Variants in CUX2 observed in about 807,000 individuals in gnomAD.
CUX2 encodes the protein cut like homeobox 2.
A neutral mutation model predicts 144.8 loss-of-function variants in CUX2; 40 were observed. The ratio of observed to expected loss-of-function variants is 0.28; its 90% CI spans 0.21 to 0.36. CUX2 has a LOEUF of 0.36. Among genes scored for constraint, CUX2 ranks in the 10% least tolerant of loss-of-function variants. The pLI is 1.00. For synonymous variants in CUX2, 827 were observed against 875.6 expected (o/e 0.94, Z 0.98); for missense variants, 1,615 against 1,994.0 (o/e 0.81, Z 3.62).
intron 1 of CUX2, among the ~76,000 whole-genome samples, chr12:111,038,070 C>T (rs1038586957): frequency 2.2e-4 from 34 of 152,180 alleles, no homozygotes; most frequent in Admixed American, 2.2e-3. Context: ...GGAGAAACTT[C>T]CGGGAACACT....
chr12:111,206,230 G>A (rs1257812444), intron 1 of CUX2, among the ~76,000 whole-genome samples: 2 of 152,202 alleles, frequency 1.3e-5, no homozygotes, highest in African/African-American at 4.8e-5. Context: ...TACTTGGGAG[G>A]CTGAGAAGGG....
In CUX2 at chr12:111,263,916, G is replaced by A; in HGVS notation, c.301+77G>A. The A allele has an allele frequency of 1.4e-6, 2 of 1,385,142 alleles. No individual in the cohort carries two copies. Among genetic ancestry groups the A allele is most frequent in the South Asian group, 2.3e-5 (2 of 86,074 alleles). 85.8% of individuals were successfully genotyped at this position (1,385,142 alleles called of 1,614,324 possible). A position where few individuals can be genotyped will look rare whatever the true frequency, so the allele number is the denominator to read the frequency against. ...ATTAGGACTGTGACACAGGGACTTTGAGGTGGGATGTGGGGACATGCCTGG... is the reference window on the plus strand; with the variant it reads ...ATTAGGACTGTGACACAGGGACTTTAAGGTGGGATGTGGGGACATGCCTGG... On this transcript the variant is annotated intron_variant, in intron 4 of 21. Coordinates refer to ENST00000261726, the MANE Select transcript of CUX2 (RefSeq NM_015267.4). This position sits in a 1 kb window ranked among gnomAD's most constrained non-coding sequence, Gnocchi z 4.0.
intron 18 of CUX2, among the ~76,000 whole-genome samples, chr12:111,330,726 T>TACATATACATATATAC: frequency 1.8e-5 from 1 of 55,848 alleles, no homozygotes; most frequent in East Asian, 3.5e-4. Flanking sequence ...TATATATATA[T>TACATATACATATATAC]ATATATATAT....
rs556240331 is a variant in CUX2, at chr12:111,307,225, G to C, written c.1077G>C (p.Gln359His). 6.2e-7 allele frequency: 1 copy of C among 1,614,206 alleles called. No individual in the cohort carries two copies. Among genetic ancestry groups the C allele is most frequent in the South Asian group, 1.1e-5 (1 of 91,082 alleles). ...IEKLEEKLQA[Q>H]SDYEEIKTEL... ...AGCTGGAAGAGAAGCTCCAGGCCCA[G>C]TCTGACTATGAGGAAATTAAAACGG... Residue 359 changes from glutamine (Q) to histidine (H), a missense_variant, in exon 12 of 22, where the codon CAG becomes CAC. Gln to His is a conservative substitution (Grantham distance 24). This residue lies in a region of CUX2 where 295 missense variants were observed against 400.2 expected (regional missense o/e 0.74). Coordinates refer to ENST00000261726, the MANE Select transcript of CUX2 (RefSeq NM_015267.4). This position sits in a 1 kb window ranked among gnomAD's most constrained non-coding sequence, Gnocchi z 4.1.
chr12:111,225,974 C>T (rs1882116533), intron 3 of CUX2, among the ~76,000 whole-genome samples: 1 of 152,166 alleles, frequency 6.6e-6, no homozygotes, highest in African/African-American at 2.4e-5. Flanking sequence ...ACACATGACC[C>T]ACCCTTTTTC....
At chr12:111,240,803 G>C (rs1316059743) in intron 3 of CUX2, among the ~76,000 whole-genome samples, 2 of 152,092 alleles carry the variant, frequency 1.3e-5, no homozygotes, top group East Asian at 3.9e-4. Flanking sequence ...AAGACATTTG[G>C]GTTTTTGCTC....
At chr12:111,298,508 G>T in intron 8 of CUX2, 33 bp from the exon 9 acceptor site, 2 of 1,556,550 alleles carry the variant, frequency 1.3e-6, no homozygotes, top group Admixed American at 1.9e-5. Flanking sequence ...CCCGCCGGAA[G>T]CCCTTCCTCA....
At position 111,209,062 on chromosome 12, in the gene CUX2, G is replaced by A. The variant is rs187023697; in HGVS notation, c.64-5138G>A. Among the ~76,000 whole-genome samples the A allele has an allele frequency of 5.3e-5, 8 of 152,258 alleles. No individual in the cohort carries two copies. The East Asian group carries it at 1.5e-3, about 29-fold the overall frequency. On this transcript the variant is annotated intron_variant, in intron 1 of 21. Coordinates refer to ENST00000261726, the MANE Select transcript of CUX2 (RefSeq NM_015267.4). Reference sequence around the variant, plus strand: ...GGTCCAAATCATCGTTACTTTTAGGGGGTACTGACAAGGAGAGAGTACTCT... The same window carrying A: ...GGTCCAAATCATCGTTACTTTTAGGAGGTACTGACAAGGAGAGAGTACTCT...
intron 7 of CUX2, 103 bp from the exon 8 acceptor site, chr12:111,296,370 C>A: frequency 1.0e-6 from 1 of 984,600 alleles, no homozygotes; most frequent in Non-Finnish European, 1.5e-6. Context: ...AGCTCTCATT[C>A]TGCCTGCTGG....
At chr12:111,208,056 G>T (rs557588367) in intron 1 of CUX2, among the ~76,000 whole-genome samples, 1 of 152,202 alleles carries the variant, frequency 6.6e-6, no homozygotes, top group Non-Finnish European at 1.5e-5. Context: ...AAGTGGGAGG[G>T]ACCCAGGGAC....
chr12:111,310,685 G>A lies in CUX2; in HGVS notation c.1900+3G>A, dbSNP rs1299944746. 6.3e-7 allele frequency: 1 copy of A among 1,577,410 alleles called. No individual in the cohort carries two copies. Among genetic ancestry groups the A allele is most frequent in the South Asian group, 1.1e-5 (1 of 87,396 alleles). ...GACCATCCAAGTGCGGCAGCGAGGT[G>A]AGTGCCCAAGAGGGCCCGTCCCCGC... On this transcript the variant is annotated splice_donor_region_variant and intron_variant, in intron 15 of 21. Coordinates refer to ENST00000261726, the MANE Select transcript of CUX2 (RefSeq NM_015267.4). This position sits in a 1 kb window ranked among gnomAD's most constrained non-coding sequence, Gnocchi z 7.9.
intron 3 of CUX2, among the ~76,000 whole-genome samples, chr12:111,227,801 G>T (rs1257133969): frequency 2.0e-5 from 3 of 152,056 alleles, no homozygotes; most frequent in Middle Eastern, 3.2e-3. Context: ...GCACACCCCT[G>T]CCTCCCTCCA....
rs372984349 is a variant in CUX2 at position 111,167,669 on chromosome 12, G to GGTTT, written c.64-46498_64-46495dup. On this transcript the variant is annotated intron_variant, in intron 1 of 21. Coordinates refer to ENST00000261726, the MANE Select transcript of CUX2 (RefSeq NM_015267.4). ...TAACAATCCTATTAGGTTGGCCCTGGGTTTGTTTGTTTGTTTGTTTGTTTG... is the reference window on the plus strand; with the variant it reads ...TAACAATCCTATTAGGTTGGCCCTGGGTTTGTTTGTTTGTTTGTTTGTTTGTTTG... 4.6e-3 allele frequency among the ~76,000 whole-genome samples: 629 copies of GGTTT among 136,232 alleles called. 2 individuals are homozygous for GGTTT. The highest frequency in any genetic ancestry group is 1.0e-2 in the African/African-American group (325 of 32,520). The allele number at this position is 136,232 out of a possible 152,430, so 89.4% of individuals were successfully genotyped here.
At chr12:111,075,285 C>T (rs936062251) in intron 1 of CUX2, among the ~76,000 whole-genome samples, 1 of 152,180 alleles carries the variant, frequency 6.6e-6, no homozygotes, top group Admixed American at 6.5e-5. Flanking sequence ...CAGACAGGAT[C>T]AATAGGATCA....
At chr12:111,175,772 A>G (rs1878815123) in intron 1 of CUX2, among the ~76,000 whole-genome samples, 1 of 152,118 alleles carries the variant, frequency 6.6e-6, no homozygotes, top group Admixed American at 6.5e-5. Flanking sequence ...TGTTCAAGAC[A>G]ATGTCTTTTT....
chr12:111,082,644 C>T (rs1871964841), intron 1 of CUX2, among the ~76,000 whole-genome samples: 1 of 152,160 alleles, frequency 6.6e-6, no homozygotes, highest in South Asian at 2.1e-4. Context: ...GCTTTGAAAC[C>T]AGACAGAAAC....
intron 1 of CUX2, among the ~76,000 whole-genome samples, chr12:111,099,126 G>C (rs1193833764): frequency 6.6e-6 from 1 of 152,214 alleles, no homozygotes; most frequent in Non-Finnish European, 1.5e-5. Flanking sequence ...TTCAATACAG[G>C]ATCCCAAATG....
intron 19 of CUX2, among the ~76,000 whole-genome samples, chr12:111,338,000 G>T (rs1045543131): frequency 6.6e-6 from 1 of 151,466 alleles, no homozygotes. Flanking sequence ...ATGCCACTAC[G>T]CTCAGCCTGG....
At chr12:111,271,017 G>A (rs1295737249) in intron 4 of CUX2, among the ~76,000 whole-genome samples, 1 of 152,170 alleles carries the variant, frequency 6.6e-6, no homozygotes, top group Non-Finnish European at 1.5e-5. Context: ...GATTCGCTAC[G>A]CTGTACATGA....
Sources: allele counts gnomAD v4.1 joint callset (sites outside exome capture counted in the v4.1 genomes callset), GRCh38; gene constraint gnomAD v4.1.1; regional missense constraint gnomAD v4.1.1; non-coding constraint Gnocchi (gnomAD v3.1); transcripts MANE v1.5; gene names NCBI Gene and HGNC (gene_info 2026-07-23, HGNC 2026-07-21).